ITGA11: variants seen among roughly 807,000 people sequenced by gnomAD.
ITGA11 encodes integrin alpha-11.
A neutral mutation model predicts 141.9 loss-of-function variants in ITGA11; 97 were observed. The ratio of observed to expected loss-of-function variants is 0.68; its 90% CI spans 0.58 to 0.81. ITGA11 has a LOEUF of 0.81. Among genes scored for constraint, ITGA11 ranks in the 30% least tolerant of loss-of-function variants. ITGA11 has a pLI of 0.00. For missense variants in ITGA11, 1,387 were observed against 1,559.2 expected, an observed-to-expected ratio of 0.89 and a Z score of 1.86; for synonymous variants, 658 against 624.6, an observed-to-expected ratio of 1.05 and a Z score of -0.80.
In ITGA11 at chr15:68,326,715, T is replaced by C. The variant is rs778730528; in HGVS notation, c.2150A>G (p.Asn717Ser). 3.8e-6 allele frequency: 6 copies of C among 1,586,048 alleles called. No individual in the cohort carries two copies. The highest frequency in any genetic ancestry group is 2.7e-5 in the African/African-American group (2 of 74,102). Residue 717 changes from asparagine to serine, a missense_variant, in exon 17 of 30, where the codon AAC becomes AGC. Asn to Ser is a conservative substitution (Grantham distance 46). Transcript: ENST00000315757. This position sits in a 1 kb window ranked among gnomAD's most constrained non-coding sequence, Gnocchi z 6.8. The part of the protein sequence containing the change: ...HLDEGGDRFT[N>S]RAVLLSSGQE... ...GCCGGAGGAGAGCAGTACGGCTCTGTTGGTGAATCGGTCCCCGCCCTCGTC... is the reference window on the plus strand; with the variant it reads ...GCCGGAGGAGAGCAGTACGGCTCTGCTGGTGAATCGGTCCCCGCCCTCGTC...
intron 11 of ITGA11, among the ~76,000 whole-genome samples, chr15:68,339,202 C>G (rs1894476067): frequency 6.6e-6 from 1 of 152,222 alleles, no homozygotes; most frequent in African/African-American, 2.4e-5. Flanking sequence ...GGCACAACAA[C>G]AGCTGACCCA....
At chr15:68,407,226 G>A (rs768602590) in intron 1 of ITGA11, among the ~76,000 whole-genome samples, 1 of 152,116 alleles carries the variant, frequency 6.6e-6, no homozygotes, top group Non-Finnish European at 1.5e-5. Flanking sequence ...GGTGGTGGGG[G>A]CCCAGGGGAA....
intron 26 of ITGA11, 127 bp downstream of exon 26, chr15:68,310,867 G>T: frequency 1.4e-6 from 1 of 690,700 alleles, no homozygotes; most frequent in South Asian, 1.7e-5. Flanking sequence ...TTTGGGGCTG[G>T]GTACATACAG....
chr15:68,330,928 T>G, intron 15 of ITGA11, 53 bp downstream of exon 15: 1 of 1,607,390 alleles, frequency 6.2e-7, no homozygotes, highest in Non-Finnish European at 8.5e-7. Context: ...AACCCCTGGA[T>G]TCATTGTGAC....
At chr15:68,358,801 CA>C (rs1001019342) in intron 5 of ITGA11, among the ~76,000 whole-genome samples, 1 of 152,262 alleles carries the variant, frequency 6.6e-6, no homozygotes, top group Admixed American at 6.5e-5. Context: ...GCTGTTTGAA[CA>C]AAGCTTAAAT....
chr15:68,310,980 TG>T lies in ITGA11; in HGVS notation c.3174+13del. ...ACCCCAACCACTGTGGCTCTCGGTC[TG>T]GGGGACACTCACCAGCTGTGGAGCA... On this transcript the variant is annotated intron_variant, in intron 26 of 29. Transcript: ENST00000315757. 2 of 1,589,982 alleles carry T rather than the reference TG, an allele frequency of 1.3e-6. No individual in the cohort carries two copies. The highest frequency in any genetic ancestry group is 1.7e-5 in the Admixed American group (1 of 57,356).
chr15:68,400,873 A>G lies in ITGA11; in HGVS notation c.164+2045T>C, dbSNP rs1387860458. Among the ~76,000 whole-genome samples the G allele has an allele frequency of 1.5e-4, 12 of 80,372 alleles. 3 individuals carry two copies. The highest frequency in any genetic ancestry group is 5.4e-4 in the African/African-American group (11 of 20,316). 52.7% of individuals were successfully genotyped at this position (80,372 alleles called of 152,430 possible). A position where few individuals can be genotyped will look rare whatever the true frequency, so the allele number is the denominator to read the frequency against. ...TATTATATAATAAATATAATATTAT[A>G]TATTATATAATAAATATTATAATAT... On this transcript the variant is annotated intron_variant, in intron 2 of 29. Coordinates refer to ENST00000315757, the MANE Select transcript of ITGA11 (RefSeq NM_001004439.2).
At chr15:68,397,005 A>T (rs1365887997) in intron 2 of ITGA11, among the ~76,000 whole-genome samples, 2 of 8,622 alleles carry the variant, frequency 2.3e-4, no homozygotes, top group African/African-American at 9.4e-4. Context: ...AATATATAAT[A>T]TATATTACTT....
At position 68,321,572 on chromosome 15, in the gene ITGA11, C is replaced by T; in HGVS notation, c.2323-69G>A. On this transcript the variant is annotated intron_variant, in intron 18 of 29. Transcript: ENST00000315757. This position sits in a 1 kb window ranked among gnomAD's most constrained non-coding sequence, Gnocchi z 4.9. ...GCAGCCCCTCGCCCTCAATGTACAC[C>T]AGCTCTGTCTCCACCACACTAGACA... 1 of 961,824 alleles carries T rather than the reference C, an allele frequency of 1.0e-6. No individual in the cohort carries two copies. Among genetic ancestry groups the T allele is most frequent in the Non-Finnish European group, 1.6e-6 (1 of 641,370 alleles). 59.6% of individuals were successfully genotyped at this position (961,824 alleles called of 1,614,324 possible). A position where few individuals can be genotyped will look rare whatever the true frequency, so the allele number is the denominator to read the frequency against.
chr15:68,335,794 G>A lies in ITGA11; in HGVS notation c.1328C>T (p.Ala443Val). Residue 443 changes from alanine to valine, a missense_variant, in exon 12 of 30, where the codon GCC becomes GTC. By Grantham distance (64) the Ala-to-Val change is moderately conservative. Coordinates refer to ENST00000315757, the MANE Select transcript of ITGA11 (RefSeq NM_001004439.2). The surrounding 1 kb of genome is among the most constrained non-coding windows in gnomAD (Gnocchi z 4.9). ...CGTGTGGTTGAACCGGGGGGCTCCG[G>A]CCACGTACACCCGCCCCTGCCTGGA... Reference protein sequence around the residue: ...VSSRQGRVYVAGAPRFNHTGK... With the variant: ...VSSRQGRVYVVGAPRFNHTGK... The A allele has an allele frequency of 6.2e-7, 1 of 1,613,410 alleles. No homozygotes were observed. Among genetic ancestry groups the A allele is most frequent in the Non-Finnish European group, 8.5e-7 (1 of 1,179,646 alleles).
chr15:68,325,038 G>A lies in ITGA11; in HGVS notation c.2322+93C>T. The A allele has an allele frequency of 1.1e-6, 1 of 924,160 alleles. No individual in the cohort carries two copies. The highest frequency in any genetic ancestry group is 1.8e-6 in the Non-Finnish European group (1 of 560,400). The allele number at this position is 924,160 out of a possible 1,614,324, so 57.2% of individuals were successfully genotyped here. ...GGTGAGATGAGGGATGGTGTCCTCT[G>A]TACCCGGCACACTCAGGCTCTGGGC... On this transcript the variant is annotated intron_variant, in intron 18 of 29. Coordinates refer to ENST00000315757, the MANE Select transcript of ITGA11 (RefSeq NM_001004439.2). This position sits in a 1 kb window ranked among gnomAD's most constrained non-coding sequence, Gnocchi z 5.5.
chr15:68,369,109 T>G (rs556560923), intron 3 of ITGA11, 75 bp downstream of exon 3: 609 of 1,001,130 alleles, frequency 6.1e-4, no homozygotes, highest in Non-Finnish European at 8.5e-4. Context: ...ACCATGGACA[T>G]GGGCGTGCAT....
intron 10 of ITGA11, among the ~76,000 whole-genome samples, chr15:68,345,830 C>T (rs963412143): frequency 6.6e-6 from 1 of 152,178 alleles, no homozygotes; most frequent in Non-Finnish European, 1.5e-5. Context: ...CTCCTGGGGA[C>T]AGGATGGCTG....
chr15:68,389,537 G>C (rs779644769), intron 2 of ITGA11, among the ~76,000 whole-genome samples: 2 of 152,214 alleles, frequency 1.3e-5, no homozygotes, highest in Non-Finnish European at 2.9e-5. Context: ...CTCTACCTCT[G>C]ACACTTATTA....
At chr15:68,412,066 T>C (rs1033507526) in intron 1 of ITGA11, among the ~76,000 whole-genome samples, 2 of 152,112 alleles carry the variant, frequency 1.3e-5, no homozygotes, top group Admixed American at 6.5e-5. Context: ...ACCCCAGATA[T>C]GTGAACTAAA....
intron 5 of ITGA11, among the ~76,000 whole-genome samples, chr15:68,360,013 TG>T (rs1049451462): frequency 3.3e-5 from 5 of 152,022 alleles, no homozygotes; most frequent in Non-Finnish European, 7.4e-5. Flanking sequence ...GGCTTTGAGT[TG>T]GGACGCCTGT....
chr15:68,392,151 G>A (rs967979932), intron 2 of ITGA11, among the ~76,000 whole-genome samples: 3 of 152,156 alleles, frequency 2.0e-5, no homozygotes, highest in African/African-American at 7.2e-5. Context: ...AGAATTCTAT[G>A]GGGGCAGCTT....
chr15:68,399,424 A>C (rs1015919753), intron 2 of ITGA11, among the ~76,000 whole-genome samples: 1 of 152,148 alleles, frequency 6.6e-6, no homozygotes, highest in Non-Finnish European at 1.5e-5. Context: ...CTAAAAATAG[A>C]ATTACTATTT....
intron 10 of ITGA11, among the ~76,000 whole-genome samples, chr15:68,344,110 G>A (rs1894661039): frequency 6.6e-6 from 1 of 152,152 alleles, no homozygotes. Context: ...CCAGGCTTAG[G>A]AGGACCCGAA....
Sources: allele counts gnomAD v4.1 joint callset (sites outside exome capture counted in the v4.1 genomes callset), GRCh38; gene constraint gnomAD v4.1.1; non-coding constraint Gnocchi (gnomAD v3.1); transcripts MANE v1.5; gene names NCBI Gene and HGNC (gene_info 2026-07-23, HGNC 2026-07-21).